The following FAM237A variants were observed in gnomAD, a reference collection of about 807,000 sequenced individuals.
FAM237A encodes the protein protein FAM237A.
In FAM237A, 14 loss-of-function variants were observed where a neutral mutation model predicts 12.5. The observed-to-expected ratio is 1.12, with a 90% confidence interval of 0.74 to 1.75. FAM237A has a LOEUF of 1.75. Ranked by LOEUF, FAM237A falls within the 40% of genes most tolerant of loss-of-function variation. The probability of loss-of-function intolerance (pLI) is 0.00; values close to 1 mark genes in which losing one functional copy is unlikely to be tolerated. For synonymous variants in FAM237A, 85 were observed against 77.5 expected (o/e 1.10, Z -0.51); for missense variants, 240 against 211.7 (o/e 1.13, Z -0.83).
intron 2 of FAM237A, among the ~76,000 whole-genome samples, chr2:206,646,254 G>C (rs1381116908): frequency 6.6e-6 from 1 of 151,024 alleles, no homozygotes; most frequent in East Asian, 1.9e-4. Flanking sequence ...AGTGAGCCGA[G>C]ATCGCACCAC....
intron 2 of FAM237A, among the ~76,000 whole-genome samples, 181 bp downstream of exon 2, chr2:206,644,829 A>G (rs1398303450): frequency 1.3e-5 from 2 of 152,208 alleles, no homozygotes; most frequent in Non-Finnish European, 2.9e-5. Context: ...TGCATTGCAT[A>G]GTAGCTGTTT....
intron 2 of FAM237A, 52 bp downstream of exon 2, chr2:206,644,700 G>A (rs769705827): frequency 1.4e-6 from 2 of 1,459,724 alleles, no homozygotes; most frequent in Non-Finnish European, 1.8e-6. Flanking sequence ...AAGTATGAAT[G>A]TGCTGAATTG....
At chr2:206,647,664 CACAGAG>C (rs760943524) in intron 2 of FAM237A, among the ~76,000 whole-genome samples, 8 of 148,888 alleles carry the variant, frequency 5.4e-5, no homozygotes, top group African/African-American at 1.5e-4. Flanking sequence ...CACACACACA[CACAGAG>C]AGAGTGTGTG....
rs369584730 is a variant in FAM237A, at chr2:206,644,569, T to C, written c.333T>C (p.His111=). 19 of 1,613,230 alleles carry C rather than the reference T, an allele frequency of 1.2e-5. No homozygotes were observed. The highest frequency in any genetic ancestry group is 1.5e-5 in the Non-Finnish European group (18 of 1,179,690). The change falls in exon 2 of 3, where the codon CAT becomes CAC. Residue 111 remains histidine (H), a synonymous_variant. Coordinates refer to ENST00000441223, the MANE Select transcript of FAM237A (RefSeq NM_001102659.3). The part of the protein sequence containing the change: ...IYVDCVLSRN[H]GLGRRQLVGE... ...TGGACTGTGTGCTCTCTAGGAACCA[T>C]GGCTTAGGAAGGAGGCAATTGGTTG...
rs1298782430 is a variant in FAM237A, at chr2:206,648,835, C to CAT, written c.*49_*50dup. On this transcript the variant is annotated 3_prime_UTR_variant, in exon 3 of 3. Coordinates refer to ENST00000441223, the MANE Select transcript of FAM237A (RefSeq NM_001102659.3). Reference sequence around the variant, plus strand: ...AATTCATGCCTTGGAATTAAATATACATATATATAACATTTTTCTTAACTA... The same window carrying CAT: ...AATTCATGCCTTGGAATTAAATATACATATATATATAACATTTTTCTTAACTA... 3 of 1,391,286 alleles carry CAT rather than the reference C, an allele frequency of 2.2e-6. No individual in the cohort carries two copies. The highest frequency in any genetic ancestry group is 3.0e-5 in the African/African-American group (2 of 67,348). 86.2% of individuals were successfully genotyped at this position (1,391,286 alleles called of 1,614,324 possible).
chr2:206,643,019 G>A lies in FAM237A; in HGVS notation c.-11+437G>A, dbSNP rs572838853. Among the ~76,000 whole-genome samples, 4 of 152,184 alleles carry A rather than the reference G, an allele frequency of 2.6e-5. No homozygotes were observed. The East Asian group carries it at 7.7e-4, about 29-fold the overall frequency. On this transcript the variant is annotated intron_variant, in intron 1 of 2. Coordinates refer to ENST00000441223, the MANE Select transcript of FAM237A (RefSeq NM_001102659.3). ...GAGGAAATAGTTTTTGAATAATCTT[G>A]TATCTCTAACATGCTTCTTCAATAT...
chr2:206,645,981 G>A (rs1699312554), intron 2 of FAM237A, among the ~76,000 whole-genome samples: 1 of 151,930 alleles, frequency 6.6e-6, no homozygotes, highest in African/African-American at 2.4e-5. Context: ...GCTGAGGATG[G>A]TCTGTAGGGC....
In FAM237A at chr2:206,644,264, A is replaced by T. The variant is rs1699288479; in HGVS notation, c.28A>T (p.Ile10Phe). ...GGCTGATCCTGGGAACAGAGGAGGG[A>T]TCCACCGCCCCTTGAGCTTCACCTG... MADPGNRGG[I>F]HRPLSFTCSL... Residue 10 changes from isoleucine (I) to phenylalanine (F), a missense_variant, in exon 2 of 3, where the codon ATC becomes TTC. Ile to Phe is a conservative substitution (Grantham distance 21). Transcript: ENST00000441223. 2 of 1,607,748 alleles carry T rather than the reference A, an allele frequency of 1.2e-6. No individual in the cohort carries two copies. Among genetic ancestry groups the T allele is most frequent in the Non-Finnish European group, 1.7e-6 (2 of 1,176,760 alleles).
In FAM237A at chr2:206,648,779, A is replaced by G; in HGVS notation, c.531A>G (p.Glu177=). ...GTGTCATTGGAAAAGTGAACCTGGA[A>G]ATAAAGAGAAAATAAATTGAACTCG... ...GSSVIGKVNL[E]IKRK is the part of the protein sequence containing the mutation. Residue 177 remains glutamate (E), a synonymous_variant, in exon 3 of 3, where the codon GAA becomes GAG. Coordinates refer to ENST00000441223, the MANE Select transcript of FAM237A (RefSeq NM_001102659.3). The G allele has an allele frequency of 1.3e-6, 2 of 1,535,284 alleles. No homozygotes were observed. Among genetic ancestry groups the G allele is most frequent in the Non-Finnish European group, 1.8e-6 (2 of 1,139,740 alleles).
intron 2 of FAM237A, among the ~76,000 whole-genome samples, chr2:206,645,380 A>G (rs1188922253): frequency 1.3e-5 from 2 of 152,232 alleles, no homozygotes; most frequent in Non-Finnish European, 1.5e-5. Flanking sequence ...GAGGTTGAGT[A>G]AGCCTCTGTG....
In FAM237A at chr2:206,648,685, C is replaced by T. The variant is rs769519018; in HGVS notation, c.437C>T (p.Thr146Ile). ...KQGTYSQLLR[T>I]SFLKKKELIE... ...GGTACATATTCTCAGCTCCTAAGGA[C>T]CTCCTTCCTAAAGAAGAAAGAGTTG... is the stretch of plus-strand genomic sequence containing the variant. The change falls in exon 3 of 3, where the codon ACC (threonine) becomes ATC (isoleucine). Residue 146 changes from threonine to isoleucine, a missense_variant. Physicochemically the swap from Thr to Ile is moderately conservative, Grantham distance 89. Transcript: ENST00000441223. 1.8e-5 allele frequency: 28 copies of T among 1,593,088 alleles called. No individual in the cohort carries two copies. The highest frequency in any genetic ancestry group is 1.1e-4 in the East Asian group (5 of 44,136).
At chr2:206,647,101 A>G (rs368479321) in intron 2 of FAM237A, among the ~76,000 whole-genome samples, 1 of 152,246 alleles carries the variant, frequency 6.6e-6, no homozygotes, top group Non-Finnish European at 1.5e-5. Context: ...GCATGTTAAT[A>G]TATCATATTT....
Position 206,648,770 on chromosome 2 carries a change from G to T in FAM237A, c.522G>T (p.Val174=). 6.5e-7 allele frequency: 1 copy of T among 1,540,498 alleles called. No homozygotes were observed. Among genetic ancestry groups the T allele is most frequent in the Non-Finnish European group, 8.8e-7 (1 of 1,142,072 alleles). The change falls in exon 3 of 3, where the codon GTG becomes GTT. Residue 174 remains valine, a synonymous_variant. Coordinates refer to ENST00000441223, the MANE Select transcript of FAM237A (RefSeq NM_001102659.3). The part of the protein sequence containing the change: ...RRSGSSVIGK[V]NLEIKRK ...GTGGGTCTAGTGTCATTGGAAAAGT[G>T]AACCTGGAAATAAAGAGAAAATAAA... is the stretch of plus-strand genomic sequence containing the variant.
chr2:206,644,410 G>A lies in FAM237A; in HGVS notation c.174G>A (p.Leu58=), dbSNP rs1350317305. Residue 58 remains leucine, a synonymous_variant, in exon 2 of 3, where the codon CTG becomes CTA. Transcript: ENST00000441223. ...QCWESSSVLL[L]EMWKPRVSNT... is the part of the protein sequence containing the mutation. The stretch of plus-strand genomic sequence containing the variant: ...GGGAATCCTCCTCAGTGCTTCTCCT[G>A]GAAATGTGGAAACCTCGCGTTTCCA... The A allele has an allele frequency of 6.2e-7, 1 of 1,613,772 alleles. No individual in the cohort carries two copies. The highest frequency in any genetic ancestry group is 2.2e-5 in the East Asian group (1 of 44,878).
intron 2 of FAM237A, among the ~76,000 whole-genome samples, chr2:206,646,867 G>A (rs192677775): frequency 6.6e-6 from 1 of 152,254 alleles, no homozygotes; most frequent in East Asian, 1.9e-4. Context: ...ATAATATGTT[G>A]TTAGGTTGGG....
At position 206,644,222 on chromosome 2, in the gene FAM237A, T is replaced by A; in HGVS notation, c.-10-5T>A. 6.4e-7 allele frequency: 1 copy of A among 1,569,094 alleles called. No individual in the cohort carries two copies. The highest frequency in any genetic ancestry group is 8.6e-7 in the Non-Finnish European group (1 of 1,158,790). ...ACTGATAAGAAATATTTCCATCCTG[T>A]GCAGTTTTAGGGCCATGGCTGATCC... is the stretch of plus-strand genomic sequence containing the variant. On this transcript the variant is annotated splice_polypyrimidine_tract_variant and splice_region_variant and intron_variant, in intron 1 of 2. Coordinates refer to ENST00000441223, the MANE Select transcript of FAM237A (RefSeq NM_001102659.3).
chr2:206,648,714 G>C lies in FAM237A; in HGVS notation c.466G>C (p.Glu156Gln). ...TSFLKKKELI[E>Q]DLISMHVRRS... Reference sequence around the variant, plus strand: ...CTTCCTAAAGAAGAAAGAGTTGATTGAAGATTTGATAAGCATGCATGTGCG... The same window carrying C: ...CTTCCTAAAGAAGAAAGAGTTGATTCAAGATTTGATAAGCATGCATGTGCG... Residue 156 changes from glutamate to glutamine, a missense_variant, in exon 3 of 3, where the codon GAA (glutamate) becomes CAA (glutamine). Physicochemically the swap from Glu to Gln is conservative, Grantham distance 29 (BLOSUM62 2). Coordinates refer to ENST00000441223, the MANE Select transcript of FAM237A (RefSeq NM_001102659.3). The C allele has an allele frequency of 6.3e-7, 1 of 1,588,222 alleles. No individual in the cohort carries two copies. The highest frequency in any genetic ancestry group is 8.6e-7 in the Non-Finnish European group (1 of 1,165,862).
intron 1 of FAM237A, among the ~76,000 whole-genome samples, chr2:206,643,077 ATATT>A (rs1315803764): frequency 1.3e-5 from 2 of 152,338 alleles, no homozygotes; most frequent in South Asian, 2.1e-4. Context: ...ACTTTCTGAA[ATATT>A]TATTTAACAG....
In FAM237A at chr2:206,644,496, A is replaced by G; in HGVS notation, c.260A>G (p.His87Arg). ...CTGAAGTCATCTGAGAACTTGAAGC[A>G]TGGAGCACTGTTTTGGGATCTGGCC... ...IYLKSSENLK[H>R]GALFWDLAQL... Residue 87 changes from histidine (H) to arginine (R), a missense_variant, in exon 2 of 3, where the codon CAT becomes CGT. Transcript: ENST00000441223. The G allele has an allele frequency of 1.2e-6, 2 of 1,614,018 alleles. No homozygotes were observed. Among genetic ancestry groups the G allele is most frequent in the South Asian group, 2.2e-5 (2 of 91,084 alleles).
Sources: gnomAD v4.1 joint callset for allele counts (sites outside exome capture counted in the v4.1 genomes callset) on GRCh38, gnomAD v4.1.1 for gene constraint, MANE v1.5 for transcripts, NCBI Gene and HGNC (gene_info 2026-07-23, HGNC 2026-07-21) for gene names.